The following KATNIP variants were observed in gnomAD, a reference collection of about 807,000 sequenced individuals.
The protein encoded by KATNIP is katanin interacting protein.
In KATNIP, 126 loss-of-function variants were observed where a neutral mutation model predicts 174.0. The observed-to-expected ratio is 0.72, with a 90% CI of 0.63 to 0.84. The LOEUF is 0.84. KATNIP is among the 40% of genes least tolerant of loss of function. The pLI is 0.00. For missense variants in KATNIP, 1,958 were observed against 2,109.7 expected (o/e 0.93, Z 1.41); for synonymous variants, 810 against 835.7 (o/e 0.97, Z 0.53).
chr16:27,610,947 C>A (rs955578221), intron 2 of KATNIP, among the ~76,000 whole-genome samples: 3 of 152,142 alleles, frequency 2.0e-5, no homozygotes, highest in African/African-American at 7.2e-5. Flanking sequence ...TCCACTTGTC[C>A]CACCTTTGCT....
At chr16:27,652,946 C>T (rs987198965) in intron 6 of KATNIP, among the ~76,000 whole-genome samples, 9 of 151,890 alleles carry the variant, frequency 5.9e-5, no homozygotes, top group African/African-American at 1.9e-4. Context: ...CTACCATAAG[C>T]GATGATTATG....
chr16:27,772,238 C>T (rs2082333686), intron 22 of KATNIP, among the ~76,000 whole-genome samples: 1 of 152,204 alleles, frequency 6.6e-6, no homozygotes, highest in African/African-American at 2.4e-5. Context: ...CACCACTGTA[C>T]TTTAGCCCAG....
chr16:27,705,960 G>A (rs1475054287), intron 12 of KATNIP, among the ~76,000 whole-genome samples: 1 of 152,160 alleles, frequency 6.6e-6, no homozygotes, highest in Non-Finnish European at 1.5e-5. Context: ...TTACAGCTGT[G>A]AGTCACCACA....
rs1378951473 is a variant in KATNIP at position 27,766,374 on chromosome 16, G to A, written c.3875G>A (p.Gly1292Glu). ...ATGTGGCTGATCCCCTTCTCGCCGGGGCTGGACCATGTGGTCACGATCCGC... is the reference window on the plus strand; with the variant it reads ...ATGTGGCTGATCCCCTTCTCGCCGGAGCTGGACCATGTGGTCACGATCCGC... ...EHMWLIPFSP[G>E]LDHVVTIRLD... Residue 1292 changes from glycine (G) to glutamate (E), a missense_variant, in exon 20 of 28, where the codon GGG becomes GAG. By Grantham distance (98) the Gly-to-Glu change is moderately conservative. Around this residue, in one of 3 missense-constraint regions of KATNIP, gnomAD observed 383 missense variants for 456.0 expected, o/e 0.84. Coordinates refer to ENST00000261588, the MANE Select transcript of KATNIP (RefSeq NM_015202.5). 1.2e-6 allele frequency: 2 copies of A among 1,614,066 alleles called. No individual in the cohort carries two copies.
intron 13 of KATNIP, among the ~76,000 whole-genome samples, chr16:27,713,930 C>A (rs1464970501): frequency 6.9e-6 from 1 of 145,616 alleles, no homozygotes; most frequent in African/African-American, 2.5e-5. Flanking sequence ...GGAAATAAAG[C>A]CCTGGTGTTT....
At position 27,648,692 on chromosome 16, in the gene KATNIP, A is replaced by G. The variant is rs759985815; in HGVS notation, c.497A>G (p.Asp166Gly). ...DYSDDFELCGDVTLQANNTSE... is the reference protein window; with the variant it reads ...DYSDDFELCGGVTLQANNTSE... ...TCTGATGATTTTGAGCTGTGTGGGG[A>G]TGTGACTCTCCAGGCAAACAACACT... Residue 166 changes from aspartate to glycine, a missense_variant, in exon 6 of 28, where the codon GAT becomes GGT. Physicochemically the swap from Asp to Gly is moderately conservative, Grantham distance 94 (BLOSUM62 -1). Around this residue, in one of 3 missense-constraint regions of KATNIP, gnomAD observed 1,557 missense variants for 1,617.8 expected, o/e 0.96. Coordinates refer to ENST00000261588, the MANE Select transcript of KATNIP (RefSeq NM_015202.5). 1.2e-6 allele frequency: 2 copies of G among 1,614,164 alleles called. No individual in the cohort carries two copies. The highest frequency in any genetic ancestry group is 1.7e-6 in the Non-Finnish European group (2 of 1,180,040).
chr16:27,619,241 C>T (rs528674080), intron 3 of KATNIP, among the ~76,000 whole-genome samples: 79 of 152,298 alleles, frequency 5.2e-4, no homozygotes, highest in Middle Eastern at 6.8e-3. Context: ...AGCTGCTCAG[C>T]CCAGGCCAGC....
intron 2 of KATNIP, among the ~76,000 whole-genome samples, chr16:27,590,820 G>A (rs1041800914): frequency 2.6e-5 from 4 of 152,154 alleles, no homozygotes; most frequent in African/African-American, 9.7e-5. Context: ...CTGTGTTTTT[G>A]TTCATGAATT....
At position 27,751,763 on chromosome 16, in the gene KATNIP, G is replaced by A; in HGVS notation, c.3391G>A (p.Asp1131Asn). ...GDTILFTTDD[D>N]ILEAIFYSDE... ...CACGATCTTATTCACAACCGATGAT[G>A]ACATTCTCGAGGCCATATTCTATTC... Residue 1131 changes from aspartate to asparagine, a missense_variant, in exon 17 of 28, where the codon GAC becomes AAC. Coordinates refer to ENST00000261588, the MANE Select transcript of KATNIP (RefSeq NM_015202.5). The A allele has an allele frequency of 6.2e-7, 1 of 1,614,230 alleles. No homozygotes were observed. Among genetic ancestry groups the A allele is most frequent in the African/African-American group, 1.3e-5 (1 of 75,054 alleles).
chr16:27,699,133 T>TC (rs1200537868), intron 9 of KATNIP, among the ~76,000 whole-genome samples: 1 of 152,100 alleles, frequency 6.6e-6, no homozygotes, highest in Non-Finnish European at 1.5e-5. Context: ...TCTTAGCTTG[T>TC]CCCCCCGATG....
At chr16:27,774,666 C>T (rs1220577645) in intron 23 of KATNIP, among the ~76,000 whole-genome samples, 1 of 152,216 alleles carries the variant, frequency 6.6e-6, no homozygotes, top group Admixed American at 6.5e-5. Flanking sequence ...GTCCCCAGCT[C>T]TGGCAGTTCC....
At chr16:27,771,040 C>A (rs771563443) in intron 21 of KATNIP, among the ~76,000 whole-genome samples, 4 of 152,200 alleles carry the variant, frequency 2.6e-5, no homozygotes, top group Non-Finnish European at 4.4e-5. Context: ...CCCAAGGCTG[C>A]CTCCTCCTGG....
chr16:27,636,086 C>A (rs957531696), intron 5 of KATNIP, among the ~76,000 whole-genome samples: 3 of 152,096 alleles, frequency 2.0e-5, no homozygotes, highest in African/African-American at 4.8e-5. Context: ...GCCAGGAGTT[C>A]AAGGGTGCAG....
chr16:27,774,851 C>A, intron 23 of KATNIP, 94 bp from the exon 24 acceptor site: 3 of 1,461,746 alleles, frequency 2.1e-6, no homozygotes, highest in East Asian at 2.3e-5. Context: ...GCCCTGCCAG[C>A]CCCAGAGTCC....
chr16:27,618,527 C>T, intron 3 of KATNIP, 26 bp downstream of exon 3: 1 of 1,509,474 alleles, frequency 6.6e-7, no homozygotes, highest in East Asian at 2.3e-5. Flanking sequence ...CGACGGCAGC[C>T]CTTGATATTA....
chr16:27,620,048 A>G (rs781446456), intron 3 of KATNIP, among the ~76,000 whole-genome samples: 25 of 152,206 alleles, frequency 1.6e-4, no homozygotes, highest in Non-Finnish European at 3.1e-4. Flanking sequence ...TTCCTTATGA[A>G]CAAATTGTTT....
chr16:27,663,959 C>T (rs905538369), intron 6 of KATNIP, among the ~76,000 whole-genome samples: 4 of 152,058 alleles, frequency 2.6e-5, no homozygotes, highest in East Asian at 3.9e-4. Context: ...TACAGGCATG[C>T]GCCACCATGC....
At chr16:27,596,693 C>G (rs2075345660) in intron 2 of KATNIP, among the ~76,000 whole-genome samples, 1 of 152,132 alleles carries the variant, frequency 6.6e-6, no homozygotes, top group Non-Finnish European at 1.5e-5. Context: ...AGTTAGAGAC[C>G]AGTCTGGGCA....
At chr16:27,757,834 G>A (rs915062959) in intron 18 of KATNIP, among the ~76,000 whole-genome samples, 13 of 152,188 alleles carry the variant, frequency 8.5e-5, no homozygotes, top group African/African-American at 3.1e-4. Context: ...ATGTGTCGGG[G>A]TTGGTAAATA....
Sources: gnomAD v4.1 joint callset for allele counts (sites outside exome capture counted in the v4.1 genomes callset) on GRCh38, gnomAD v4.1.1 for gene constraint, gnomAD v4.1.1 regional missense constraint, MANE v1.5 for transcripts, NCBI Gene and HGNC (gene_info 2026-07-23, HGNC 2026-07-21) for gene names.